GLIPR2: variants seen among roughly 807,000 people sequenced by gnomAD.
The protein encoded by GLIPR2 is GLI pathogenesis related 2, also known as Golgi-associated plant pathogenesis-related protein 1.
In GLIPR2, 21 loss-of-function variants were observed where a neutral mutation model predicts 20.4. That is an observed-to-expected ratio of 1.03 (90% confidence interval 0.73 to 1.48). The LOEUF (loss-of-function observed/expected upper bound fraction) is 1.48. Ranked by LOEUF, GLIPR2 falls within the 40% of genes most tolerant of loss-of-function variation. GLIPR2 has a pLI of 0.00. For missense variants in GLIPR2, 205 were observed against 200.1 expected (o/e 1.02, Z -0.15); for synonymous variants, 91 against 80.5 (o/e 1.13, Z -0.70).
rs1392966358 is a variant in GLIPR2 at position 36,163,307 on chromosome 9, C to T, written c.*785C>T. The T allele has an allele frequency of 5.3e-6, 1 of 189,132 alleles. No homozygotes were observed. Among genetic ancestry groups the T allele is most frequent in the Non-Finnish European group, 1.1e-5 (1 of 90,954 alleles). 11.7% of individuals were successfully genotyped at this position (189,132 alleles called of 1,614,324 possible). On this transcript the variant is annotated 3_prime_UTR_variant, in exon 5 of 5. Transcript: ENST00000377960. ...GAGTTGGGCTAGGCCTGAAGCTCCC[C>T]CTCCCCCACCTCTGCTAGGCAGCCC...
chr9:36,139,574 T>G (rs1170699292), intron 1 of GLIPR2, among the ~76,000 whole-genome samples: 1 of 152,150 alleles, frequency 6.6e-6, no homozygotes, highest in Non-Finnish European at 1.5e-5. Flanking sequence ...ATAGGGCAGG[T>G]GGCACTCACA....
At chr9:36,138,615 C>G (rs1390766330) in intron 1 of GLIPR2, among the ~76,000 whole-genome samples, 1 of 152,206 alleles carries the variant, frequency 6.6e-6, no homozygotes, top group African/African-American at 2.4e-5. Context: ...CTGTTCGCCC[C>G]TTCCTCCTTC....
At chr9:36,140,501 C>T (rs114386384) in intron 1 of GLIPR2, among the ~76,000 whole-genome samples, 1,858 of 152,156 alleles carry the variant, frequency 0.012, 29 homozygotes, top group African/African-American at 0.04. Flanking sequence ...AACCTGGGGC[C>T]CAGAGGGGTA....
intron 4 of GLIPR2, among the ~76,000 whole-genome samples, chr9:36,156,385 TAAAAAAAAA>T (rs58467311): frequency 1.3e-5 from 1 of 77,718 alleles, no homozygotes. Flanking sequence ...AAGCCATGTC[TAAAAAAAAA>T]AAAAAAAAAA....
In GLIPR2 at chr9:36,136,774, C is replaced by T; in HGVS notation, c.-5C>T. On this transcript the variant is annotated 5_prime_UTR_variant, in exon 1 of 5. Coordinates refer to ENST00000377960, the MANE Select transcript of GLIPR2 (RefSeq NM_022343.4). This position sits in a 1 kb window ranked among gnomAD's most constrained non-coding sequence, Gnocchi z 4.3. Reference sequence around the variant, plus strand: ...GCGGGGAGCGAGGAGCGCGCGGAGCCGGCCATGGGCAAGTCAGGTGAGCCC... The same window carrying T: ...GCGGGGAGCGAGGAGCGCGCGGAGCTGGCCATGGGCAAGTCAGGTGAGCCC... The T allele has an allele frequency of 2.3e-6, 3 of 1,295,636 alleles. No homozygotes were observed. The highest frequency in any genetic ancestry group is 2.9e-6 in the Non-Finnish European group (3 of 1,024,492). 80.3% of individuals were successfully genotyped at this position (1,295,636 alleles called of 1,614,324 possible).
intron 3 of GLIPR2, among the ~76,000 whole-genome samples, chr9:36,149,093 A>G (rs1825471374): frequency 1.3e-5 from 2 of 152,256 alleles, no homozygotes; most frequent in Non-Finnish European, 2.9e-5. Context: ...TTACTTTTAT[A>G]ATAGGAGAAA....
chr9:36,156,800 G>A (rs1825854191), intron 4 of GLIPR2, among the ~76,000 whole-genome samples: 1 of 152,150 alleles, frequency 6.6e-6, no homozygotes, highest in Non-Finnish European at 1.5e-5. Context: ...TCTAATGCCT[G>A]ATGATCTGAG....
chr9:36,156,256 G>C (rs1294000119), intron 4 of GLIPR2, among the ~76,000 whole-genome samples: 1 of 151,564 alleles, frequency 6.6e-6, no homozygotes, highest in South Asian at 2.1e-4. Flanking sequence ...GGGTGTAGTG[G>C]CACGTGCCTG....
chr9:36,154,352 G>A lies in GLIPR2; in HGVS notation c.304+3403G>A, dbSNP rs537393601. Reference sequence around the variant, plus strand: ...ATACCAATTTCCTGTGAATCATTCCGGAGGTGTCCTGTGCTTACACCAGCA... The same window carrying A: ...ATACCAATTTCCTGTGAATCATTCCAGAGGTGTCCTGTGCTTACACCAGCA... On this transcript the variant is annotated intron_variant, in intron 4 of 4. Transcript: ENST00000377960. Among the ~76,000 whole-genome samples the A allele has an allele frequency of 3.9e-5, 6 of 152,108 alleles. No homozygotes were observed. The South Asian group carries it at 1.2e-3, about 32-fold the overall frequency.
chr9:36,141,694 C>T (rs930774474), intron 1 of GLIPR2, among the ~76,000 whole-genome samples: 2 of 152,120 alleles, frequency 1.3e-5, no homozygotes, highest in Non-Finnish European at 2.9e-5. Context: ...TGCTCTGTCA[C>T]GCAGGCTGGA....
In GLIPR2 at chr9:36,136,904, TGCGGGTGGAGGGCGC is replaced by T; in HGVS notation, c.13+119_13+133del. 1 of 1,184,746 alleles carries T rather than the reference TGCGGGTGGAGGGCGC, an allele frequency of 8.4e-7. No homozygotes were observed. Among genetic ancestry groups the T allele is most frequent in the African/African-American group, 1.6e-5 (1 of 63,042 alleles). The allele number at this position is 1,184,746 out of a possible 1,614,324, so 73.4% of individuals were successfully genotyped here. On this transcript the variant is annotated intron_variant, in intron 1 of 4. Coordinates refer to ENST00000377960, the MANE Select transcript of GLIPR2 (RefSeq NM_022343.4). The surrounding 1 kb of genome is among the most constrained non-coding windows in gnomAD (Gnocchi z 4.3). ...TCCTGGGGAGTGCGGGAGCCCGGGGTGCGGGTGGAGGGCGCGCGGGCGGAGCGCCCCGGCGCGGTT... is the reference window on the plus strand; with the variant it reads ...TCCTGGGGAGTGCGGGAGCCCGGGGTGCGGGCGGAGCGCCCCGGCGCGGTT...
intron 4 of GLIPR2, among the ~76,000 whole-genome samples, chr9:36,160,172 C>T (rs892675815): frequency 3.9e-5 from 6 of 152,008 alleles, no homozygotes; most frequent in Non-Finnish European, 5.9e-5. Context: ...TACAGGCATG[C>T]ACCACCATGC....
At chr9:36,141,002 C>G (rs1439503002) in intron 1 of GLIPR2, among the ~76,000 whole-genome samples, 6 of 152,190 alleles carry the variant, frequency 3.9e-5, no homozygotes, top group Non-Finnish European at 7.3e-5. Context: ...CAGGAGGGGA[C>G]CTGACCCGGA....
intron 3 of GLIPR2, 28 bp from the exon 4 acceptor site, chr9:36,150,844 G>A: frequency 6.3e-7 from 1 of 1,578,458 alleles, no homozygotes; most frequent in South Asian, 1.1e-5. Flanking sequence ...TTGTGGCTGA[G>A]TTTTAGAACA....
chr9:36,160,095 C>G (rs1039668005), intron 4 of GLIPR2, among the ~76,000 whole-genome samples: 11 of 152,164 alleles, frequency 7.2e-5, no homozygotes, highest in African/African-American at 2.7e-4. Flanking sequence ...TGGATCATAC[C>G]TGTAATCTCA....
At chr9:36,158,602 C>T (rs1247563499) in intron 4 of GLIPR2, among the ~76,000 whole-genome samples, 1 of 152,196 alleles carries the variant, frequency 6.6e-6, no homozygotes, top group East Asian at 1.9e-4. Context: ...CGTGCCCTCA[C>T]ATAGCTTGCC....
At position 36,136,934 on chromosome 9, in the gene GLIPR2, C is replaced by CT; in HGVS notation, c.13+143_13+144insT. ...GTGGAGGGCGCGCGGGCGGAGCGCC[C>CT]CGGCGCGGTTTCCGGGGAACCCGGG... On this transcript the variant is annotated intron_variant, in intron 1 of 4. Coordinates refer to ENST00000377960, the MANE Select transcript of GLIPR2 (RefSeq NM_022343.4). This position sits in a 1 kb window ranked among gnomAD's most constrained non-coding sequence, Gnocchi z 4.3. 9.8e-7 allele frequency: 1 copy of CT among 1,020,082 alleles called. No homozygotes were observed. The highest frequency in any genetic ancestry group is 1.3e-6 in the Non-Finnish European group (1 of 795,698). The allele number at this position is 1,020,082 out of a possible 1,614,324, so 63.2% of individuals were successfully genotyped here.
In GLIPR2 at chr9:36,153,274, T is replaced by C. The variant is rs1425922993; in HGVS notation, c.304+2325T>C. On this transcript the variant is annotated intron_variant, in intron 4 of 4. Coordinates refer to ENST00000377960, the MANE Select transcript of GLIPR2 (RefSeq NM_022343.4). Reference sequence around the variant, plus strand: ...GCACTCCCACTCCAAAACAGGAATCTCACAAGAGTCAGAGCCCAACTTTCC... The same window carrying C: ...GCACTCCCACTCCAAAACAGGAATCCCACAAGAGTCAGAGCCCAACTTTCC... 3.3e-5 allele frequency among the ~76,000 whole-genome samples: 5 copies of C among 152,150 alleles called. No homozygotes were observed. The South Asian group carries it at 1.0e-3, about 31-fold the overall frequency.
At chr9:36,156,352 A>C (rs1386520795) in intron 4 of GLIPR2, among the ~76,000 whole-genome samples, 3 of 140,872 alleles carry the variant, frequency 2.1e-5, no homozygotes, top group Non-Finnish European at 3.0e-5. Flanking sequence ...GCACCACGGC[A>C]CTCCAGCCTG....
Sources: gnomAD v4.1 joint callset for allele counts (sites outside exome capture counted in the v4.1 genomes callset) on GRCh38, gnomAD v4.1.1 for gene constraint, Gnocchi (gnomAD v3.1) non-coding constraint, MANE v1.5 for transcripts, NCBI Gene and HGNC (gene_info 2026-07-23, HGNC 2026-07-21) for gene names.